Variants in XKR3 observed in about 807,000 individuals in gnomAD.
XKR3 encodes XK related 3, also known as XK-related protein 3.
XKR3 carries 27 observed loss-of-function variants against 40.3 expected under a neutral mutation model. That is an observed-to-expected ratio of 0.67 (90% CI 0.49 to 0.92). XKR3 has a LOEUF of 0.92. Ranked by LOEUF, XKR3 falls within the 40% of genes least tolerant of loss-of-function variation. The pLI, the probability that XKR3 is intolerant of heterozygous loss-of-function variation, is 0.00. For missense variants in XKR3, 472 were observed against 537.6 expected, an observed-to-expected ratio of 0.88 and a Z score of 1.21; for synonymous variants, 193 against 195.4, an observed-to-expected ratio of 0.99 and a Z score of 0.10.
At chr22:16,813,357 G>A (rs2060220938) in intron 1 of XKR3, among the ~76,000 whole-genome samples, 1 of 151,986 alleles carries the variant, frequency 6.6e-6, no homozygotes, top group Non-Finnish European at 1.5e-5. Flanking sequence ...CTCTTTCTAA[G>A]GCATAAGTTA....
rs776168708 is a variant in XKR3, at chr22:16,783,952, G to C, written c.1047C>G (p.Ser349Arg). 1 of 1,614,154 alleles carries C rather than the reference G, an allele frequency of 6.2e-7. No individual in the cohort carries two copies. The highest frequency in any genetic ancestry group is 1.7e-5 in the Admixed American group (1 of 60,022). The stretch of plus-strand genomic sequence containing the variant: ...TTATCACATTTTCTAAAAACTGAAA[G>C]CTGTAGTGTAGGATTCTATGGCCCC... ...QRWGHRILHY[S>R]FQFLENVIMI... Residue 349 changes from serine (S) to arginine (R), a missense_variant, in exon 4 of 4, where the codon AGC (serine) becomes AGG (arginine). Ser to Arg is a moderately radical substitution (Grantham distance 110, BLOSUM62 -1). Coordinates refer to ENST00000684488, the MANE Select transcript of XKR3 (RefSeq NM_001386955.1).
chr22:16,784,725 A>G (rs1210021532), intron 3 of XKR3, among the ~76,000 whole-genome samples: 2 of 152,252 alleles, frequency 1.3e-5, no homozygotes, highest in Admixed American at 1.3e-4. Flanking sequence ...TTCAGATCTG[A>G]TGCTATAAGG....
intron 3 of XKR3, among the ~76,000 whole-genome samples, chr22:16,790,361 AGAGT>A (rs1299099307): frequency 4.0e-5 from 6 of 150,462 alleles, no homozygotes; most frequent in Non-Finnish European, 8.9e-5. Context: ...AAAAAAAATC[AGAGT>A]GATAGAATGA....
intron 1 of XKR3, among the ~76,000 whole-genome samples, chr22:16,809,820 C>A (rs1236952052): frequency 6.6e-6 from 1 of 152,098 alleles, no homozygotes; most frequent in Non-Finnish European, 1.5e-5. Context: ...TGTAGTGGTG[C>A]GATCAAGGAC....
At chr22:16,813,195 T>A (rs1349184358) in intron 1 of XKR3, among the ~76,000 whole-genome samples, 8 of 150,536 alleles carry the variant, frequency 5.3e-5, no homozygotes, top group African/African-American at 1.7e-4. Context: ...GAGGCAGGAG[T>A]ATGGCGTGAA....
chr22:16,793,116 G>A (rs1207381779), intron 3 of XKR3, among the ~76,000 whole-genome samples: 3 of 152,148 alleles, frequency 2.0e-5, no homozygotes, highest in Admixed American at 6.6e-5. Context: ...GGTTTCAAGC[G>A]ATTCTCCTGC....
intron 1 of XKR3, among the ~76,000 whole-genome samples, chr22:16,816,286 T>C (rs909285160): frequency 4.6e-5 from 7 of 150,804 alleles, no homozygotes; most frequent in Middle Eastern, 3.4e-3. Context: ...CTGAACCTTT[T>C]TTTCTAATTG....
chr22:16,822,493 C>T (rs5994031), intron 1 of XKR3, among the ~76,000 whole-genome samples: 91,122 of 151,990 alleles, frequency 0.6, 27,441 homozygotes, highest in African/African-American at 0.61. Flanking sequence ...CTGTAAATGG[C>T]TTATATACCA....
At chr22:16,816,656 G>A (rs777566465) in intron 1 of XKR3, among the ~76,000 whole-genome samples, 5 of 151,918 alleles carry the variant, frequency 3.3e-5, no homozygotes. Context: ...ATCTTTGTGA[G>A]TTGAAAAATG....
intron 1 of XKR3, among the ~76,000 whole-genome samples, chr22:16,809,783 G>T (rs938506901): frequency 2.6e-5 from 4 of 152,000 alleles, no homozygotes; most frequent in African/African-American, 9.7e-5. Flanking sequence ...ATTGAGACAC[G>T]GTCTGGTTCT....
intron 1 of XKR3, among the ~76,000 whole-genome samples, chr22:16,814,027 A>C (rs990034876): frequency 5.9e-5 from 9 of 152,224 alleles, no homozygotes; most frequent in African/African-American, 2.2e-4. Flanking sequence ...TTTGAAGCAC[A>C]GAAGTTTAAT....
In XKR3 at chr22:16,799,920, CT is replaced by C; in HGVS notation, c.439del (p.Arg147GlyfsTer22). ...SITKRNTMLE[R>X]EIAFSIRDNF... is the part of the protein sequence containing the mutation. ...ATCCCGGATTGAGAATGCAATCTCC[CT>C]TTCCAGCATCGTGTTTCTCTTTGTG... On this transcript the variant is annotated frameshift_variant, in exon 3 of 4. Coordinates refer to ENST00000684488, the MANE Select transcript of XKR3 (RefSeq NM_001386955.1). LOFTEE classifies it high-confidence loss of function. 6.2e-7 allele frequency: 1 copy of C among 1,614,098 alleles called. No individual in the cohort carries two copies. Among genetic ancestry groups the C allele is most frequent in the Middle Eastern group, 1.7e-4 (1 of 6,060 alleles).
At chr22:16,815,066 C>A (rs1169950707) in intron 1 of XKR3, among the ~76,000 whole-genome samples, 4 of 151,866 alleles carry the variant, frequency 2.6e-5, no homozygotes, top group Non-Finnish European at 5.9e-5. Flanking sequence ...CAGGTTTTTG[C>A]ATTAAGTTTC....
At chr22:16,809,449 C>T (rs2060203903) in intron 1 of XKR3, among the ~76,000 whole-genome samples, 1 of 152,166 alleles carries the variant, frequency 6.6e-6, no homozygotes, top group Non-Finnish European at 1.5e-5. Context: ...TGGTGCTGAA[C>T]TTTTTCTCTG....
chr22:16,820,636 ATACATAG>A (rs1339878892), intron 1 of XKR3, among the ~76,000 whole-genome samples: 1 of 151,432 alleles, frequency 6.6e-6, no homozygotes, highest in African/African-American at 2.4e-5. Flanking sequence ...TCTTGTTGAC[ATACATAG>A]TCTCCATCTC....
chr22:16,824,046 T>C (rs1000427674), intron 1 of XKR3, among the ~76,000 whole-genome samples: 3 of 152,122 alleles, frequency 2.0e-5, no homozygotes, highest in African/African-American at 7.2e-5. Flanking sequence ...ACAAAATAAT[T>C]TGTTGCTTGC....
chr22:16,787,138 T>G (rs1601838657), intron 3 of XKR3, among the ~76,000 whole-genome samples: 1 of 149,750 alleles, frequency 6.7e-6, no homozygotes, highest in Non-Finnish European at 1.5e-5. Context: ...TTGACAGAAG[T>G]GGCCAAGCAG....
rs146990408 is a variant in XKR3, at chr22:16,798,989, T to C, written c.589+782A>G. ...ATGTAACAAGCCTGTACGTATACTG[T>C]ACATATACTCCCTGTATCTAAGGTA... On this transcript the variant is annotated intron_variant, in intron 3 of 3. Transcript: ENST00000684488. 1.7e-3 allele frequency among the ~76,000 whole-genome samples: 263 copies of C among 152,306 alleles called. 3 individuals are homozygous for C. The highest frequency in any genetic ancestry group is 6.0e-3 in the African/African-American group (250 of 41,564).
intron 1 of XKR3, among the ~76,000 whole-genome samples, chr22:16,819,578 A>C (rs1477940161): frequency 2.0e-5 from 3 of 152,198 alleles, no homozygotes; most frequent in Non-Finnish European, 1.5e-5. Context: ...AAATAGCCTT[A>C]ACATAAAACT....
Sources: allele counts gnomAD v4.1 joint callset (sites outside exome capture counted in the v4.1 genomes callset), GRCh38; gene constraint gnomAD v4.1.1; transcripts MANE v1.5; gene names NCBI Gene and HGNC (gene_info 2026-07-23, HGNC 2026-07-21).